The following SPINK14 variants were observed in gnomAD, a reference collection of about 807,000 sequenced individuals.
The protein encoded by SPINK14 is serine protease inhibitor Kazal-type 14.
In SPINK14, 6 loss-of-function variants were observed where a neutral mutation model predicts 14.2. The ratio of observed to expected loss-of-function variants is 0.42; its 90% CI spans 0.23 to 0.83. SPINK14 has a LOEUF of 0.83. SPINK14 is among the 40% of genes least tolerant of loss of function. The pLI, the probability that SPINK14 is intolerant of heterozygous loss-of-function variation, is 0.28. For missense variants in SPINK14, 86 were observed against 108.3 expected (o/e 0.79, Z 0.91); for synonymous variants, 34 against 36.8 (o/e 0.92, Z 0.27).
Position 148,169,722 on chromosome 5 carries a change from C to G in SPINK14, c.-11C>G. 1 of 1,605,318 alleles carries G rather than the reference C, an allele frequency of 6.2e-7. No homozygotes were observed. Among genetic ancestry groups the G allele is most frequent in the Non-Finnish European group, 8.5e-7 (1 of 1,174,778 alleles). ...TCAGAGCATCATTCCAAGGACACAC[C>G]AGGAGGAAAAATGGCCAAATCTTTC... On this transcript the variant is annotated 5_prime_UTR_variant, in exon 2 of 5. Coordinates refer to ENST00000356972, the MANE Select transcript of SPINK14 (RefSeq NM_001001325.2).
At chr5:148,172,259 C>A (rs953671071) in intron 3 of SPINK14, among the ~76,000 whole-genome samples, 1 of 152,032 alleles carries the variant, frequency 6.6e-6, no homozygotes, top group Non-Finnish European at 1.5e-5. Flanking sequence ...GGGAGAAAGA[C>A]CTTACCTACC....
chr5:148,170,068 C>T (rs12187768), intron 2 of SPINK14, among the ~76,000 whole-genome samples: 2 of 133,558 alleles, frequency 1.5e-5, no homozygotes, highest in African/African-American at 5.5e-5. Context: ...TTTGTATATA[C>T]ACACATATAC....
chr5:148,174,860 C>G (rs1247333615), intron 4 of SPINK14, among the ~76,000 whole-genome samples: 2 of 152,066 alleles, frequency 1.3e-5, no homozygotes, highest in African/African-American at 4.8e-5. Flanking sequence ...AATCTTATAA[C>G]GCAATGCTTT....
chr5:148,169,736 G>A lies in SPINK14; in HGVS notation c.4G>A (p.Ala2Thr). 1.2e-6 allele frequency: 2 copies of A among 1,605,784 alleles called. No individual in the cohort carries two copies. The highest frequency in any genetic ancestry group is 2.3e-5 in the East Asian group (1 of 44,246). The change falls in exon 2 of 5, where the codon GCC becomes ACC. Residue 2 changes from alanine (A) to threonine (T), a missense_variant. Transcript: ENST00000356972. The part of the protein sequence containing the change: M[A>T]KSFPVFSLLS... Reference sequence around the variant, plus strand: ...CAAGGACACACCAGGAGGAAAAATGGCCAAATCTTTCCCAGTATTCTCACT... The same window carrying A: ...CAAGGACACACCAGGAGGAAAAATGACCAAATCTTTCCCAGTATTCTCACT...
intron 2 of SPINK14, 121 bp downstream of exon 2, chr5:148,169,920 A>G (rs1174878874): frequency 1.3e-5 from 6 of 468,670 alleles, no homozygotes; most frequent in Non-Finnish European, 1.4e-5. Flanking sequence ...ATATATGTGT[A>G]TATATATATA....
Position 148,169,670 on chromosome 5 carries a change from T to C in SPINK14, c.-63T>C, listed in dbSNP as rs1015046875. The C allele has an allele frequency of 9.5e-6, 13 of 1,369,424 alleles. No individual in the cohort carries two copies. The African/African-American group carries it at 1.4e-4, about 15-fold the overall frequency. 84.8% of individuals were successfully genotyped at this position (1,369,424 alleles called of 1,614,324 possible). A position where few individuals can be genotyped will look rare whatever the true frequency, so the allele number is the denominator to read the frequency against. ...ATTGTCTCTACTTTAGTGATTGTAT[T>C]AGAGGGCAACAACCTGAGACAATAT... On this transcript the variant is annotated 5_prime_UTR_variant, in exon 2 of 5. Coordinates refer to ENST00000356972, the MANE Select transcript of SPINK14 (RefSeq NM_001001325.2).
At chr5:148,169,057 G>A (rs1302841315) in intron 1 of SPINK14, among the ~76,000 whole-genome samples, 1 of 152,094 alleles carries the variant, frequency 6.6e-6, no homozygotes, top group African/African-American at 2.4e-5. Flanking sequence ...TCCATCCCGA[G>A]GGAGGATTTG....
intron 2 of SPINK14, 118 bp from the exon 3 acceptor site, chr5:148,170,812 T>C (rs1755094730): frequency 1.2e-6 from 1 of 825,794 alleles, no homozygotes; most frequent in African/African-American, 1.7e-5. Context: ...AATGAAATAA[T>C]GTTTTCCATT....
intron 4 of SPINK14, 118 bp downstream of exon 4, chr5:148,174,488 CAG>C: frequency 1.7e-6 from 1 of 595,096 alleles, no homozygotes; most frequent in Admixed American, 2.6e-5. Context: ...CCAGTTCACA[CAG>C]ATAATAATCA....
rs1755141006 is a variant in SPINK14, at chr5:148,174,224, T to C, written c.112-10T>C. On this transcript the variant is annotated splice_polypyrimidine_tract_variant and intron_variant, in intron 3 of 4. Coordinates refer to ENST00000356972, the MANE Select transcript of SPINK14 (RefSeq NM_001001325.2). ...TTCTAACTGGATAAATCTTTTCAAC[T>C]CAATTTCAGGTGAAATGTCCATATG... is the stretch of plus-strand genomic sequence containing the variant. The C allele has an allele frequency of 9.0e-7, 1 of 1,110,294 alleles. No individual in the cohort carries two copies. Among genetic ancestry groups the C allele is most frequent in the Admixed American group, 2.0e-5 (1 of 48,912 alleles). The allele number at this position is 1,110,294 out of a possible 1,614,324, so 68.8% of individuals were successfully genotyped here. A position where few individuals can be genotyped will look rare whatever the true frequency, so the allele number is the denominator to read the frequency against.
At chr5:148,169,558 G>A in intron 1 of SPINK14, among the ~76,000 whole-genome samples, 103 bp from the exon 2 acceptor site, 1 of 152,102 alleles carries the variant, frequency 6.6e-6, no homozygotes, top group South Asian at 2.1e-4. Flanking sequence ...GAAGAAGAAT[G>A]GAATAGGCTT....
rs142717277 is a variant in SPINK14 at position 148,173,409 on chromosome 5, G to A, written c.112-825G>A. ...GAGACATGTCCCTTCCTTTGTTTTC[G>A]ATTTTTTTCTACAGTGTCAGGGCAT... On this transcript the variant is annotated intron_variant, in intron 3 of 4. Coordinates refer to ENST00000356972, the MANE Select transcript of SPINK14 (RefSeq NM_001001325.2). Among the ~76,000 whole-genome samples the A allele has an allele frequency of 3.4e-3, 520 of 152,072 alleles. 5 individuals carry two copies. The highest frequency in any genetic ancestry group is 0.012 in the African/African-American group (504 of 41,494).
Position 148,170,930 on chromosome 5 carries a change from T to C in SPINK14, c.68T>C (p.Val23Ala), listed in dbSNP as rs753699418. 4.3e-6 allele frequency: 7 copies of C among 1,611,700 alleles called. No homozygotes were observed. The highest frequency in any genetic ancestry group is 5.9e-6 in the Non-Finnish European group (7 of 1,178,290). Residue 23 changes from valine to alanine, a missense_variant and splice_region_variant, in exon 3 of 5, where the codon GTT (valine) becomes GCT (alanine). Transcript: ENST00000356972. Reference sequence around the variant, plus strand: ...GTAACTATTTTCATGTATTCTCTAGTTTCAGGCCCTAGACACTGGTGGCCA... The same window carrying C: ...GTAACTATTTTCATGTATTCTCTAGCTTCAGGCCCTAGACACTGGTGGCCA... ...FILIHLVLSS[V>A]SGPRHWWPPR...
chr5:148,170,171 T>TACACAC (rs374908374), intron 2 of SPINK14, among the ~76,000 whole-genome samples: 28,237 of 137,108 alleles, frequency 0.21, 3,340 homozygotes, highest in Middle Eastern at 0.38. Flanking sequence ...TATATATATA[T>TACACAC]ATACACACAC....
intron 3 of SPINK14, among the ~76,000 whole-genome samples, chr5:148,172,142 T>G (rs1055651489): frequency 6.6e-6 from 1 of 152,102 alleles, no homozygotes; most frequent in Admixed American, 6.6e-5. Context: ...ATCTGTTGAG[T>G]GTAGAGATAA....
Position 148,174,334 on chromosome 5 carries a change from C to T in SPINK14, c.212C>T (p.Thr71Ile). ...CCCATCTGCGGCACCAATTTTATAA[C>T]CTATGATAATCCCTGCATTCTGTGT... The part of the protein sequence containing the change: ...YQPICGTNFI[T>I]YDNPCILCVE... The change falls in exon 4 of 5, where the codon ACC becomes ATC. Residue 71 changes from threonine to isoleucine, a missense_variant. By Grantham distance (89) the Thr-to-Ile change is moderately conservative. Coordinates refer to ENST00000356972, the MANE Select transcript of SPINK14 (RefSeq NM_001001325.2). The T allele has an allele frequency of 9.0e-7, 1 of 1,113,920 alleles. No homozygotes were observed. The highest frequency in any genetic ancestry group is 1.2e-6 in the Non-Finnish European group (1 of 810,896). The allele number at this position is 1,113,920 out of a possible 1,614,324, so 69.0% of individuals were successfully genotyped here.
intron 1 of SPINK14, among the ~76,000 whole-genome samples, 110 bp from the exon 2 acceptor site, chr5:148,169,551 G>A (rs1755072895): frequency 6.6e-6 from 1 of 151,922 alleles, no homozygotes; most frequent in Non-Finnish European, 1.5e-5. Flanking sequence ...TGTTTCTGAA[G>A]AAGAATGGAA....
intron 1 of SPINK14, among the ~76,000 whole-genome samples, 113 bp from the exon 2 acceptor site, chr5:148,169,548 G>A (rs1240462373): frequency 6.6e-6 from 1 of 151,908 alleles, no homozygotes; most frequent in Non-Finnish European, 1.5e-5. Context: ...ATTTGTTTCT[G>A]AAGAAGAATG....
intron 3 of SPINK14, among the ~76,000 whole-genome samples, chr5:148,172,926 C>A (rs1302580766): frequency 6.6e-6 from 1 of 152,012 alleles, no homozygotes; most frequent in South Asian, 2.1e-4. Context: ...TTGGGAGGTT[C>A]CAGGTCACAT....
Sources: gnomAD v4.1 joint callset for allele counts (sites outside exome capture counted in the v4.1 genomes callset) on GRCh38, gnomAD v4.1.1 for gene constraint, MANE v1.5 for transcripts, NCBI Gene and HGNC (gene_info 2026-07-23, HGNC 2026-07-21) for gene names.